Variants in DSCAM observed in about 807,000 individuals in gnomAD.
The protein encoded by DSCAM is cell adhesion molecule DSCAM.
Under a neutral mutation model 217.7 loss-of-function variants are expected in DSCAM, and 47 were observed. That is an observed-to-expected ratio of 0.22 (90% CI 0.17 to 0.28). The LOEUF is 0.28. DSCAM is among the 10% of genes least tolerant of loss of function. The pLI, the probability that DSCAM is intolerant of heterozygous loss-of-function variation, is 1.00. For missense variants in DSCAM, 2,080 were observed against 2,618.3 expected (o/e 0.79, Z 4.49); for synonymous variants, 1,056 against 1,015.3 (o/e 1.04, Z -0.76).
At chr21:40,570,829 A>G (rs1218216715) in intron 3 of DSCAM, among the ~76,000 whole-genome samples, 1 of 152,222 alleles carries the variant, frequency 6.6e-6, no homozygotes, top group Non-Finnish European at 1.5e-5. Context: ...TCTAAAATAA[A>G]ACACAAAGAA....
chr21:40,408,724 A>G (rs2075298935), intron 3 of DSCAM, among the ~76,000 whole-genome samples: 1 of 152,050 alleles, frequency 6.6e-6, no homozygotes. Context: ...TACAGGAGGG[A>G]TGATGCAGTA....
intron 6 of DSCAM, among the ~76,000 whole-genome samples, chr21:40,346,974 T>A (rs535901535): frequency 1.3e-5 from 2 of 152,038 alleles, no homozygotes; most frequent in Non-Finnish European, 2.9e-5. Flanking sequence ...CTAGCATACA[T>A]CTAGTGGAAA....
At chr21:40,305,381 T>A (rs1484880003) in intron 9 of DSCAM, among the ~76,000 whole-genome samples, 5 of 104,700 alleles carry the variant, frequency 4.8e-5, no homozygotes, top group African/African-American at 2.5e-4. Context: ...CAGAGCAAGA[T>A]CCCGTCTCAA....
chr21:40,098,014 GAAAT>G (rs2089705023), intron 20 of DSCAM, among the ~76,000 whole-genome samples: 1 of 119,266 alleles, frequency 8.4e-6, no homozygotes, highest in Non-Finnish European at 1.8e-5. Flanking sequence ...AAGAAAGAAA[GAAAT>G]GTACTTGAAA....
At chr21:40,099,183 A>G (rs2089719520) in intron 20 of DSCAM, among the ~76,000 whole-genome samples, 1 of 152,200 alleles carries the variant, frequency 6.6e-6, no homozygotes, top group Non-Finnish European at 1.5e-5. Context: ...AAAACTCCAT[A>G]CTTATCCTGT....
intron 8 of DSCAM, among the ~76,000 whole-genome samples, chr21:40,331,151 G>C (rs536549065): frequency 2.0e-5 from 3 of 152,320 alleles, no homozygotes; most frequent in African/African-American, 7.2e-5. Flanking sequence ...GAGATAGTAG[G>C]AGAAAGTGGA....
chr21:40,647,103 G>T (rs2089957070), intron 3 of DSCAM, among the ~76,000 whole-genome samples: 1 of 152,202 alleles, frequency 6.6e-6, no homozygotes, highest in African/African-American at 2.4e-5. Flanking sequence ...AAGTTTTTCA[G>T]TCCTATTATC....
At chr21:40,246,416 C>CTGTAGT (rs1340186355) in intron 11 of DSCAM, among the ~76,000 whole-genome samples, 2 of 137,122 alleles carry the variant, frequency 1.5e-5, no homozygotes, top group East Asian at 4.3e-4. Flanking sequence ...TGGTGCATGC[C>CTGTAGT]TGTAGTCTCA....
At chr21:40,241,878 T>C (rs962723759) in intron 11 of DSCAM, among the ~76,000 whole-genome samples, 23 of 152,334 alleles carry the variant, frequency 1.5e-4, no homozygotes, top group Admixed American at 1.3e-3. Flanking sequence ...CCATTATCTT[T>C]AGCAAACTAA....
At chr21:40,110,088 G>A (rs896787161) in intron 20 of DSCAM, among the ~76,000 whole-genome samples, 1 of 152,198 alleles carries the variant, frequency 6.6e-6, no homozygotes, top group Admixed American at 6.5e-5. Flanking sequence ...CTAGCATGCA[G>A]CTGGAGATCT....
chr21:40,623,238 GAA>G (rs5844027), intron 3 of DSCAM, among the ~76,000 whole-genome samples: 24 of 149,926 alleles, frequency 1.6e-4, no homozygotes, highest in African/African-American at 3.9e-4. Flanking sequence ...AAGCTATTCA[GAA>G]AAAAAAAAAC....
At chr21:40,086,601 A>T (rs1360388791) in intron 22 of DSCAM, among the ~76,000 whole-genome samples, 1 of 152,210 alleles carries the variant, frequency 6.6e-6, no homozygotes, top group African/African-American at 2.4e-5. Context: ...CTTCTCCTGA[A>T]TAGAGATATA....
intron 15 of DSCAM, among the ~76,000 whole-genome samples, chr21:40,170,786 C>T (rs1157281629): frequency 6.6e-6 from 1 of 152,148 alleles, no homozygotes; most frequent in Non-Finnish European, 1.5e-5. Context: ...AATTTAGTTA[C>T]ACTTAACTGA....
At chr21:40,608,215 C>T (rs943297885) in intron 3 of DSCAM, among the ~76,000 whole-genome samples, 4 of 152,198 alleles carry the variant, frequency 2.6e-5, no homozygotes, top group African/African-American at 7.2e-5. Context: ...GACATCACAT[C>T]TCATTCTATT....
intron 3 of DSCAM, among the ~76,000 whole-genome samples, chr21:40,690,189 C>T (rs1324464282): frequency 1.3e-5 from 2 of 152,208 alleles, no homozygotes. Context: ...TTCATGACCT[C>T]CTTTTCTGGG....
At chr21:40,737,083 C>T (rs1183654419) in intron 1 of DSCAM, among the ~76,000 whole-genome samples, 1 of 152,134 alleles carries the variant, frequency 6.6e-6, no homozygotes, top group Non-Finnish European at 1.5e-5. Flanking sequence ...AAGGAAGATT[C>T]TAGAATTATG....
At chr21:40,691,000 G>T (rs1161423070) in intron 3 of DSCAM, among the ~76,000 whole-genome samples, 1 of 152,132 alleles carries the variant, frequency 6.6e-6, no homozygotes, top group Non-Finnish European at 1.5e-5. Context: ...TAACACCTGG[G>T]TGATGAAATA....
At chr21:40,843,035 C>T (rs1246598547) in intron 1 of DSCAM, among the ~76,000 whole-genome samples, 2 of 152,142 alleles carry the variant, frequency 1.3e-5, no homozygotes, top group Non-Finnish European at 1.5e-5. Context: ...GAAGTGGAGG[C>T]AGCCCTGAAA....
chr21:40,368,553 G>A (rs1432566841), intron 4 of DSCAM, among the ~76,000 whole-genome samples: 3 of 152,204 alleles, frequency 2.0e-5, no homozygotes, highest in African/African-American at 7.2e-5. Flanking sequence ...AAAAGTGGGT[G>A]CTCAGGCAGT....
Sources: allele counts gnomAD v4.1 joint callset (sites outside exome capture counted in the v4.1 genomes callset), GRCh38; gene constraint gnomAD v4.1.1; transcripts MANE v1.5; gene names NCBI Gene and HGNC (gene_info 2026-07-23, HGNC 2026-07-21).